Variants in TMEM132D observed in about 807,000 individuals in gnomAD.
The protein encoded by TMEM132D is mature OL transmembrane protein.
In TMEM132D, 21 loss-of-function variants were observed where a neutral mutation model predicts 62.3. That is an observed-to-expected ratio of 0.34 (90% CI 0.24 to 0.49). The LOEUF is 0.49. Among genes scored for constraint, TMEM132D ranks in the 20% least tolerant of loss-of-function variants. The probability of loss-of-function intolerance (pLI) is 0.99; values close to 1 mark genes in which losing one functional copy is unlikely to be tolerated. For missense variants in TMEM132D, 1,346 were observed against 1,402.8 expected, an observed-to-expected ratio of 0.96 and a Z score of 0.65; for synonymous variants, 621 against 575.6, an observed-to-expected ratio of 1.08 and a Z score of -1.13.
chr12:129,082,827 T>C (rs1431102914), intron 6 of TMEM132D, among the ~76,000 whole-genome samples: 1 of 152,228 alleles, frequency 6.6e-6, no homozygotes, highest in African/African-American at 2.4e-5. Flanking sequence ...ACTGCTGGAC[T>C]CAAGCAATCC....
chr12:129,234,526 C>T (rs1187818775), intron 4 of TMEM132D, among the ~76,000 whole-genome samples: 1 of 152,138 alleles, frequency 6.6e-6, no homozygotes, highest in Admixed American at 6.5e-5. Context: ...GAAAAAGCTA[C>T]GTTTCTCCAC....
intron 2 of TMEM132D, among the ~76,000 whole-genome samples, chr12:129,537,703 A>C (rs902447427): frequency 2.6e-5 from 4 of 152,258 alleles, no homozygotes; most frequent in Admixed American, 2.6e-4. Context: ...AGTAGAGAAC[A>C]GTTCGAGGAG....
At chr12:129,849,191 T>C (rs1222904203) in intron 1 of TMEM132D, among the ~76,000 whole-genome samples, 5 of 152,222 alleles carry the variant, frequency 3.3e-5, no homozygotes, top group East Asian at 3.9e-4. Flanking sequence ...AGAGCTTCAG[T>C]AGTGGTCTAG....
intron 4 of TMEM132D, among the ~76,000 whole-genome samples, chr12:129,280,257 A>C (rs1250443414): frequency 6.6e-6 from 1 of 152,214 alleles, no homozygotes; most frequent in Non-Finnish European, 1.5e-5. Context: ...TCATCCCTCT[A>C]ATTTGTAACT....
intron 3 of TMEM132D, among the ~76,000 whole-genome samples, chr12:129,378,596 C>A (rs1870849632): frequency 6.6e-6 from 1 of 152,170 alleles, no homozygotes; most frequent in African/African-American, 2.4e-5. Context: ...TTGCTAGTTC[C>A]TTCTCAGGTC....
chr12:129,187,825 A>C (rs1263104617), intron 5 of TMEM132D, among the ~76,000 whole-genome samples: 2 of 152,074 alleles, frequency 1.3e-5, no homozygotes, highest in Non-Finnish European at 2.9e-5. Flanking sequence ...CAGTTTCTCC[A>C]CTCTTACGAA....
chr12:129,473,720 T>A (rs781585020), intron 3 of TMEM132D, among the ~76,000 whole-genome samples: 9 of 152,190 alleles, frequency 5.9e-5, no homozygotes, highest in Admixed American at 5.9e-4. Context: ...AGTGTAAACA[T>A]AACTTTTCTA....
intron 1 of TMEM132D, among the ~76,000 whole-genome samples, chr12:129,780,435 C>T (rs1871087094): frequency 1.3e-5 from 2 of 152,096 alleles, no homozygotes; most frequent in Non-Finnish European, 2.9e-5. Context: ...ATCTCGACAT[C>T]TACCTGTCCT....
At chr12:129,551,463 C>T (rs747510556) in intron 2 of TMEM132D, among the ~76,000 whole-genome samples, 1 of 152,148 alleles carries the variant, frequency 6.6e-6, no homozygotes, top group African/African-American at 2.4e-5. Context: ...CAAATATTGT[C>T]CCTAATGTAA....
At chr12:129,357,398 CGAAGGAAG>C (rs1029700321) in intron 3 of TMEM132D, among the ~76,000 whole-genome samples, 1 of 117,320 alleles carries the variant, frequency 8.5e-6, no homozygotes, top group African/African-American at 3.3e-5. Context: ...AAGGAAGGAA[CGAAGGAAG>C]GAAGGAAGGA....
rs187345641 is a variant in TMEM132D at position 129,462,920 on chromosome 12, G to A, written c.1115+68139C>T. 1.9e-4 allele frequency among the ~76,000 whole-genome samples: 29 copies of A among 152,278 alleles called. 1 individual carries two copies. The highest frequency in any genetic ancestry group is 6.5e-4 in the African/African-American group (27 of 41,570). ...TGCTTGTATGAGAAGGGCAAAGAGA[G>A]AGGTAGGTTCTTTTGCCTGAGACTC... On this transcript the variant is annotated intron_variant, in intron 3 of 8. Coordinates refer to ENST00000422113, the MANE Select transcript of TMEM132D (RefSeq NM_133448.3).
rs552137136 is a variant in TMEM132D, at chr12:129,779,849, C to T, written c.80-79151G>A. ...AGACAGAGAGAAATGAACTGAGCTG[C>T]GAGGACAATAATTAAAAGAATCTGC... On this transcript the variant is annotated intron_variant, in intron 1 of 8. Transcript: ENST00000422113. This position sits in a 1 kb window ranked among gnomAD's most constrained non-coding sequence, Gnocchi z 4.1. Among the ~76,000 whole-genome samples the T allele has an allele frequency of 7.2e-5, 11 of 152,170 alleles. No homozygotes were observed. The highest frequency in any genetic ancestry group is 2.6e-4 in the Admixed American group (4 of 15,294).
chr12:129,830,544 A>G (rs1035541771), intron 1 of TMEM132D, among the ~76,000 whole-genome samples: 2 of 152,078 alleles, frequency 1.3e-5, no homozygotes, highest in African/African-American at 2.4e-5. Flanking sequence ...CCTGCTTCCA[A>G]TGTCCCTGCC....
At chr12:129,225,171 A>C (rs1243716634) in intron 4 of TMEM132D, among the ~76,000 whole-genome samples, 1 of 152,084 alleles carries the variant, frequency 6.6e-6, no homozygotes, top group Admixed American at 6.5e-5. Context: ...TTTCCATGCT[A>C]TTGGGTTGAA....
rs114611064 is a variant in TMEM132D, at chr12:129,671,999, C to T, written c.968+27811G>A. Among the ~76,000 whole-genome samples the T allele has an allele frequency of 4.0e-4, 61 of 152,296 alleles. 1 individual carries two copies. The highest frequency in any genetic ancestry group is 1.4e-3 in the African/African-American group (58 of 41,570). On this transcript the variant is annotated intron_variant, in intron 2 of 8. Coordinates refer to ENST00000422113, the MANE Select transcript of TMEM132D (RefSeq NM_133448.3). ...CCTGGCCGCTGCAGACCCCAGGCTG[C>T]TCCAGCAAAAGAATTCTGCCTCGTG...
At chr12:129,354,755 T>C (rs184805386) in intron 3 of TMEM132D, among the ~76,000 whole-genome samples, 137 of 152,284 alleles carry the variant, frequency 9.0e-4, no homozygotes, top group African/African-American at 3.1e-3. Context: ...AAATCTATTC[T>C]CCATGAAGCT....
At chr12:129,265,865 T>C (rs942401528) in intron 4 of TMEM132D, among the ~76,000 whole-genome samples, 1 of 152,088 alleles carries the variant, frequency 6.6e-6, no homozygotes, top group Non-Finnish European at 1.5e-5. Context: ...TCTTACAATC[T>C]TTCTCTTCTA....
At chr12:129,414,058 C>T (rs1013742111) in intron 3 of TMEM132D, among the ~76,000 whole-genome samples, 2 of 152,210 alleles carry the variant, frequency 1.3e-5, no homozygotes, top group Admixed American at 6.5e-5. Flanking sequence ...CAAAATTAAA[C>T]TTCTTTGCCT....
chr12:129,364,875 T>G (rs2135676609), intron 3 of TMEM132D, among the ~76,000 whole-genome samples: 1 of 152,268 alleles, frequency 6.6e-6, no homozygotes, highest in East Asian at 1.9e-4. Context: ...CTGGAGAGGG[T>G]AGCTTATGTT....
Sources: allele counts gnomAD v4.1 joint callset (sites outside exome capture counted in the v4.1 genomes callset), GRCh38; gene constraint gnomAD v4.1.1; non-coding constraint Gnocchi (gnomAD v3.1); transcripts MANE v1.5; gene names NCBI Gene and HGNC (gene_info 2026-07-23, HGNC 2026-07-21).